The following INSR variants were observed in gnomAD, a reference collection of about 807,000 sequenced individuals.
The protein encoded by INSR is insulin receptor.
In INSR, 67 loss-of-function variants were observed where a neutral mutation model predicts 142.6. That is an observed-to-expected ratio of 0.47 (90% CI 0.39 to 0.58). The LOEUF is 0.58. Among genes scored for constraint, INSR ranks in the 20% least tolerant of loss-of-function variants. The pLI, the probability that INSR is intolerant of heterozygous loss-of-function variation, is 0.00. For missense variants in INSR, 1,248 were observed against 1,833.2 expected (o/e 0.68, Z 5.83); for synonymous variants, 756 against 743.1 (o/e 1.02, Z -0.28).
intron 2 of INSR, among the ~76,000 whole-genome samples, chr19:7,251,415 C>A (rs1301396402): frequency 6.6e-6 from 1 of 151,904 alleles, no homozygotes; most frequent in African/African-American, 2.4e-5. Flanking sequence ...CACCACCATG[C>A]TCGGCTAATT....
At chr19:7,157,871 C>T (rs1487270084) in intron 9 of INSR, among the ~76,000 whole-genome samples, 1 of 151,654 alleles carries the variant, frequency 6.6e-6, no homozygotes, top group Non-Finnish European at 1.5e-5. Context: ...TGAGTATCCA[C>T]TCGGAAACCC....
rs1568449041 is a variant in INSR, at chr19:7,153,028, A to ACACACCCCC, written c.2030-102_2030-101insGGGGGTGTG. On this transcript the variant is annotated intron_variant, in intron 9 of 21. Coordinates refer to ENST00000302850, the MANE Select transcript of INSR (RefSeq NM_000208.4). Reference sequence around the variant, plus strand: ...CACACACACACCACACACACACACCACACACACACACACCACACACCCCCC... The same window carrying ACACACCCCC: ...CACACACACACCACACACACACACCACACACCCCCCACACACACACACCACACACCCCCC... 560 of 441,518 alleles carry ACACACCCCC rather than the reference A, an allele frequency of 1.3e-3. 11 individuals are homozygous for ACACACCCCC. In the East Asian group the frequency reaches 0.014, roughly 11 times the overall value. The allele number at this position is 441,518 out of a possible 1,614,324, so 27.4% of individuals were successfully genotyped here. A position where few individuals can be genotyped will look rare whatever the true frequency, so the allele number is the denominator to read the frequency against.
chr19:7,217,481 C>T (rs948626493), intron 2 of INSR, among the ~76,000 whole-genome samples: 9 of 152,182 alleles, frequency 5.9e-5, no homozygotes, highest in South Asian at 4.1e-4. Context: ...ATCATTCAAC[C>T]GACCACATTC....
intron 1 of INSR, among the ~76,000 whole-genome samples, chr19:7,293,276 T>TAG (rs1383081278): frequency 6.6e-6 from 1 of 152,178 alleles, no homozygotes; most frequent in Non-Finnish European, 1.5e-5. Context: ...GCCACGGGCC[T>TAG]AGATCCAAGG....
At position 7,180,760 on chromosome 19, in the gene INSR, G is replaced by A. The variant is rs527834777; in HGVS notation, c.974+3556C>T. Among the ~76,000 whole-genome samples, 46 of 152,072 alleles carry A rather than the reference G, an allele frequency of 3.0e-4. No homozygotes were observed. The South Asian group carries it at 7.7e-3, about 25-fold the overall frequency. On this transcript the variant is annotated intron_variant, in intron 3 of 21. Transcript: ENST00000302850. ...CTAATTGAAAGGCACAGAGGAAAGC[G>A]GATGTAGCAAGTTGCAGGAAAAGCT...
intron 19 of INSR, among the ~76,000 whole-genome samples, chr19:7,121,885 G>A (rs1464709914): frequency 1.3e-5 from 2 of 152,234 alleles, no homozygotes; most frequent in African/African-American, 2.4e-5. Flanking sequence ...GCTCATGCCT[G>A]TAATCCCAGT....
Position 7,267,211 on chromosome 19 carries a change from G to T in INSR, c.652+134C>A. On this transcript the variant is annotated intron_variant, in intron 2 of 21. Transcript: ENST00000302850. The surrounding 1 kb of genome is among the most constrained non-coding windows in gnomAD (Gnocchi z 6.3). ...ACAGAAAATGTCTGCCACTCCCTGG[G>T]CTAGTGAATGCCACCACCCACTATT... The T allele has an allele frequency of 1.1e-6, 1 of 879,772 alleles. No individual in the cohort carries two copies. 54.5% of individuals were successfully genotyped at this position (879,772 alleles called of 1,614,324 possible). A position where few individuals can be genotyped will look rare whatever the true frequency, so the allele number is the denominator to read the frequency against.
At chr19:7,154,952 A>C (rs1973552140) in intron 9 of INSR, among the ~76,000 whole-genome samples, 1 of 152,106 alleles carries the variant, frequency 6.6e-6, no homozygotes, top group Admixed American at 6.6e-5. Flanking sequence ...GCCCGACACC[A>C]TAATCACAGG....
At chr19:7,127,080 T>C (rs1025104090) in intron 15 of INSR, among the ~76,000 whole-genome samples, 17 of 152,106 alleles carry the variant, frequency 1.1e-4, no homozygotes, top group Admixed American at 9.8e-4. Flanking sequence ...TAAAATTTCA[T>C]ATAGACAGGG....
chr19:7,153,332 C>A (rs1248091436), intron 9 of INSR, among the ~76,000 whole-genome samples: 18 of 5,884 alleles, frequency 3.1e-3, no homozygotes, highest in Non-Finnish European at 4.9e-3. Context: ...CCACACACAC[C>A]CACGCCACAC....
chr19:7,212,287 T>C (rs8107928), intron 2 of INSR, among the ~76,000 whole-genome samples: 6,400 of 152,260 alleles, frequency 0.042, 449 homozygotes, highest in African/African-American at 0.14. Context: ...TGTCTGTCTG[T>C]TCATCAGGCC....
intron 19 of INSR, among the ~76,000 whole-genome samples, chr19:7,122,399 C>T (rs896566562): frequency 1.4e-5 from 2 of 147,558 alleles, no homozygotes; most frequent in African/African-American, 5.0e-5. Flanking sequence ...GCTGAGATCA[C>T]ACCACTGCAC....
intron 2 of INSR, among the ~76,000 whole-genome samples, chr19:7,262,722 A>G (rs1474981716): frequency 6.6e-6 from 1 of 152,216 alleles, no homozygotes; most frequent in Admixed American, 6.6e-5. Flanking sequence ...TGAGGACAAC[A>G]TGCTCAGTGA....
At chr19:7,288,615 G>T (rs942922985) in intron 1 of INSR, among the ~76,000 whole-genome samples, 3 of 150,184 alleles carry the variant, frequency 2.0e-5, no homozygotes, top group African/African-American at 7.4e-5. Context: ...CTCCAGCCTG[G>T]GTGACAGAGC....
At chr19:7,214,844 C>T (rs1314801706) in intron 2 of INSR, among the ~76,000 whole-genome samples, 1 of 129,550 alleles carries the variant, frequency 7.7e-6, no homozygotes, top group Non-Finnish European at 1.6e-5. Flanking sequence ...CTCCCTCCTT[C>T]CTTCCTTCTT....
intron 1 of INSR, among the ~76,000 whole-genome samples, chr19:7,269,362 G>A (rs1967843922): frequency 7.2e-6 from 1 of 138,638 alleles, no homozygotes; most frequent in Non-Finnish European, 1.5e-5. Flanking sequence ...AAATGGATTA[G>A]GCTAAGTCGA....
intron 2 of INSR, among the ~76,000 whole-genome samples, chr19:7,237,026 CA>C (rs111359523): frequency 0.18 from 16,705 of 90,532 alleles, 932 homozygotes; most frequent in African/African-American, 0.25. Flanking sequence ...GACTCTGTCT[CA>C]AAAAAAAAAA....
chr19:7,247,720 G>A (rs529018721), intron 2 of INSR, among the ~76,000 whole-genome samples: 1 of 152,134 alleles, frequency 6.6e-6, no homozygotes, highest in Non-Finnish European at 1.5e-5. Context: ...TTTGCCCAAG[G>A]TCACAAAACA....
intron 8 of INSR, among the ~76,000 whole-genome samples, chr19:7,164,826 CAAAAAAAAAAA>C (rs35639305): frequency 4.3e-5 from 2 of 46,026 alleles, no homozygotes; most frequent in Non-Finnish European, 3.6e-5. Context: ...AACTCCATCT[CAAAAAAAAAAA>C]AAAAAAAAAA....
Sources: gnomAD v4.1 joint callset for allele counts (sites outside exome capture counted in the v4.1 genomes callset) on GRCh38, gnomAD v4.1.1 for gene constraint, Gnocchi (gnomAD v3.1) non-coding constraint, MANE v1.5 for transcripts, NCBI Gene and HGNC (gene_info 2026-07-23, HGNC 2026-07-21) for gene names.